The following WDR72 variants were observed in gnomAD, a reference collection of about 807,000 sequenced individuals.
The protein encoded by WDR72 is WD repeat-containing protein 72.
Under a neutral mutation model 124.2 loss-of-function variants are expected in WDR72, and 120 were observed. The observed-to-expected ratio is 0.97, with a 90% CI of 0.83 to 1.12. The LOEUF (loss-of-function observed/expected upper bound fraction) is 1.12, where lower values mean the gene tolerates loss of function less well. WDR72 is among the 50% of genes most tolerant of loss of function. The pLI, the probability that WDR72 is intolerant of heterozygous loss-of-function variation, is 0.00. For synonymous variants in WDR72, 452 were observed against 441.7 expected (o/e 1.02, Z -0.29); for missense variants, 1,387 against 1,278.8 (o/e 1.08, Z -1.29).
chr15:53,711,456 A>C lies in WDR72; in HGVS notation c.737T>G (p.Leu246Arg), dbSNP rs370145481. ...WKVYDYCDFS[L>R]LLTEVSRNGQ... is the part of the protein sequence containing the mutation. Reference sequence around the variant, plus strand: ...ATTTCTACTAACTTCAGTCAGCAGAAGGGAAAAATCACAATAATCATAAAC... The same window carrying C: ...ATTTCTACTAACTTCAGTCAGCAGACGGGAAAAATCACAATAATCATAAAC... Residue 246 changes from leucine to arginine, a missense_variant, in exon 8 of 20, where the codon CTT (leucine) becomes CGT (arginine). By Grantham distance (102) the Leu-to-Arg change is moderately radical. Transcript: ENST00000360509. The C allele has an allele frequency of 1.0e-4, 168 of 1,614,068 alleles. 1 individual carries two copies. Among genetic ancestry groups the C allele is most frequent in the Non-Finnish European group, 1.4e-4 (162 of 1,180,046 alleles).
intron 1 of WDR72, among the ~76,000 whole-genome samples, chr15:53,749,726 A>G (rs533044774): frequency 1.3e-5 from 2 of 152,310 alleles, no homozygotes; most frequent in East Asian, 3.9e-4. Flanking sequence ...CTTGATGGAA[A>G]CTGAAAGTGC....
chr15:53,659,315 C>T (rs2015531433), intron 14 of WDR72, among the ~76,000 whole-genome samples: 1 of 152,164 alleles, frequency 6.6e-6, no homozygotes, highest in South Asian at 2.1e-4. Context: ...TCACACGAGT[C>T]AGAACAGAGT....
chr15:53,755,876 G>A (rs2018889885), intron 1 of WDR72, among the ~76,000 whole-genome samples: 1 of 152,136 alleles, frequency 6.6e-6, no homozygotes, highest in Non-Finnish European at 1.5e-5. Context: ...AAAGTGGGGG[G>A]CATAGCTCAG....
chr15:53,670,909 G>T (rs2015962932), intron 13 of WDR72, among the ~76,000 whole-genome samples: 1 of 152,020 alleles, frequency 6.6e-6, no homozygotes, highest in Non-Finnish European at 1.5e-5. Context: ...GAGGTCACTG[G>T]GCATATGGCC....
rs1365667800 is a variant in WDR72 at position 53,514,683 on chromosome 15, C to T, written c.*3016G>A. The T allele has an allele frequency of 1.3e-5, 2 of 151,948 alleles. No individual in the cohort carries two copies. The highest frequency in any genetic ancestry group is 2.9e-5 in the Non-Finnish European group (2 of 67,968). 9.4% of individuals were successfully genotyped at this position (151,948 alleles called of 1,614,324 possible). On this transcript the variant is annotated 3_prime_UTR_variant, in exon 20 of 20. Transcript: ENST00000360509. ...AAAATAGTAACAGAATGTTTGATACCTGGGGCTACTTTTTAACTGTGTGTT... is the reference window on the plus strand; with the variant it reads ...AAAATAGTAACAGAATGTTTGATACTTGGGGCTACTTTTTAACTGTGTGTT...
At chr15:53,681,170 C>A (rs927151180) in intron 13 of WDR72, among the ~76,000 whole-genome samples, 3 of 152,168 alleles carry the variant, frequency 2.0e-5, no homozygotes, top group African/African-American at 7.2e-5. Context: ...AATCAGAGAA[C>A]CTACTTTCCC....
upstream of WDR72, among the ~76,000 whole-genome samples, chr15:53,761,778 T>TA (rs2019067627): frequency 1.3e-5 from 2 of 151,890 alleles, no homozygotes; most frequent in African/African-American, 4.8e-5. Flanking sequence ...CAGCTAGCTG[T>TA]ACCACTGCAC....
chr15:53,756,363 GT>G (rs1324905400), intron 1 of WDR72, among the ~76,000 whole-genome samples: 5 of 152,268 alleles, frequency 3.3e-5, no homozygotes, highest in Admixed American at 2.6e-4. Context: ...ATGTGAGTCA[GT>G]TAAACCTCTT....
chr15:53,690,671 G>T (rs547378190), intron 13 of WDR72, among the ~76,000 whole-genome samples: 51 of 152,284 alleles, frequency 3.3e-4, no homozygotes, highest in African/African-American at 1.1e-3. Context: ...TGATTTGTTA[G>T]ATTAACAGGA....
intron 18 of WDR72, among the ~76,000 whole-genome samples, chr15:53,587,925 G>A (rs1238219133): frequency 6.6e-6 from 1 of 151,974 alleles, no homozygotes; most frequent in East Asian, 1.9e-4. Flanking sequence ...CTTATTCTCA[G>A]GGGGTTGAAA....
intron 18 of WDR72, among the ~76,000 whole-genome samples, chr15:53,546,659 T>TATA (rs553493240): frequency 1.8e-4 from 27 of 151,936 alleles, no homozygotes; most frequent in African/African-American, 5.3e-4. Context: ...AAACATAAAG[T>TATA]ATAATAATAA....
chr15:53,640,363 T>G (rs922798593), intron 14 of WDR72, among the ~76,000 whole-genome samples: 1 of 152,182 alleles, frequency 6.6e-6, no homozygotes, highest in Non-Finnish European at 1.5e-5. Flanking sequence ...TCTTGGGTCC[T>G]GATATGCTTG....
intron 13 of WDR72, among the ~76,000 whole-genome samples, chr15:53,682,478 G>A (rs897850717): frequency 6.6e-6 from 1 of 152,064 alleles, no homozygotes; most frequent in Non-Finnish European, 1.5e-5. Context: ...TTCAAAGTAA[G>A]GTCAAACTCT....
At chr15:53,573,699 C>G (rs549275925) in intron 18 of WDR72, among the ~76,000 whole-genome samples, 51 of 152,238 alleles carry the variant, frequency 3.4e-4, no homozygotes, top group African/African-American at 1.1e-3. Context: ...GCGTGCACCA[C>G]CACACCTAGC....
intron 2 of WDR72, among the ~76,000 whole-genome samples, chr15:53,731,167 C>T (rs186446716): frequency 3.3e-5 from 5 of 152,222 alleles, no homozygotes; most frequent in African/African-American, 7.2e-5. Context: ...CTATAGTTCT[C>T]GAGAATTCAA....
intron 18 of WDR72, among the ~76,000 whole-genome samples, chr15:53,587,267 T>G (rs1218018034): frequency 1.3e-5 from 2 of 152,028 alleles, no homozygotes; most frequent in African/African-American, 4.8e-5. Flanking sequence ...TCAAGGCTTT[T>G]AACATACTTT....
At chr15:53,539,929 A>G (rs893405940) in intron 18 of WDR72, among the ~76,000 whole-genome samples, 10 of 152,214 alleles carry the variant, frequency 6.6e-5, no homozygotes, top group African/African-American at 2.4e-4. Context: ...AAGCAAGATT[A>G]AAGATAAAAG....
chr15:53,568,820 T>C (rs921545032), intron 18 of WDR72, among the ~76,000 whole-genome samples: 11 of 152,044 alleles, frequency 7.2e-5, no homozygotes, highest in African/African-American at 2.4e-4. Flanking sequence ...ACTCAGCTGC[T>C]ATCAATGTAA....
intron 18 of WDR72, among the ~76,000 whole-genome samples, chr15:53,591,392 T>C (rs2140330842): frequency 6.6e-6 from 1 of 152,138 alleles, no homozygotes; most frequent in South Asian, 2.1e-4. Flanking sequence ...ATAGGCACTG[T>C]ACAAAATAGC....
Sources: gnomAD v4.1 joint callset for allele counts (sites outside exome capture counted in the v4.1 genomes callset) on GRCh38, gnomAD v4.1.1 for gene constraint, MANE v1.5 for transcripts, NCBI Gene and HGNC (gene_info 2026-07-23, HGNC 2026-07-21) for gene names.